Variants in COL24A1 observed in about 807,000 individuals in gnomAD.
COL24A1 encodes the protein collagen alpha-1(XXIV) chain.
Under a neutral mutation model 253.9 loss-of-function variants are expected in COL24A1, and 224 were observed. That is an observed-to-expected ratio of 0.88 (90% CI 0.79 to 0.99). COL24A1 has a LOEUF of 0.99. Among genes scored for constraint, COL24A1 ranks in the 50% least tolerant of loss-of-function variants. The pLI is 0.00. For synonymous variants in COL24A1, 685 were observed against 673.7 expected, an observed-to-expected ratio of 1.02 and a Z score of -0.26; for missense variants, 2,131 against 2,068.5, an observed-to-expected ratio of 1.03 and a Z score of -0.59.
chr1:85,775,334 G>T (rs1668426808), intron 53 of COL24A1, among the ~76,000 whole-genome samples: 1 of 152,118 alleles, frequency 6.6e-6, no homozygotes, highest in African/African-American at 2.4e-5. Flanking sequence ...GTGCTGAGAA[G>T]AATGTATATT....
At chr1:86,122,730 T>C (rs1180900096) in intron 3 of COL24A1, among the ~76,000 whole-genome samples, 1 of 152,026 alleles carries the variant, frequency 6.6e-6, no homozygotes, top group Non-Finnish European at 1.5e-5. Context: ...CTACAAAATC[T>C]CTTGAATCCT....
intron 5 of COL24A1, among the ~76,000 whole-genome samples, chr1:86,107,113 T>C (rs193171734): frequency 7.6e-4 from 115 of 152,316 alleles, no homozygotes; most frequent in African/African-American, 2.6e-3. Flanking sequence ...TCCTGCCTTC[T>C]TAAGGTGGTA....
At chr1:85,841,901 T>A (rs1213676617) in intron 41 of COL24A1, among the ~76,000 whole-genome samples, 167 bp downstream of exon 41, 6 of 152,232 alleles carry the variant, frequency 3.9e-5, no homozygotes, top group Non-Finnish European at 8.8e-5. Context: ...ATAATTTATT[T>A]AAATTTTAGC....
At chr1:86,098,315 A>G (rs1362057003) in intron 5 of COL24A1, among the ~76,000 whole-genome samples, 4 of 152,112 alleles carry the variant, frequency 2.6e-5, no homozygotes, top group Admixed American at 2.6e-4. Context: ...CAGAGAAGCA[A>G]GAGAAAGAAA....
In COL24A1 at chr1:86,153,418, G is replaced by A. The variant is rs931241946; in HGVS notation, c.56+2923C>T. The stretch of plus-strand genomic sequence containing the variant: ...CAGTAAACATGTGTTGAATAAATAC[G>A]TTAATGAATGATGAATAAATGAATG... On this transcript the variant is annotated intron_variant, in intron 1 of 59. Transcript: ENST00000370571. Among the ~76,000 whole-genome samples the A allele has an allele frequency of 8.5e-5, 13 of 152,252 alleles. 1 individual carries two copies. In the South Asian group the frequency reaches 1.9e-3, roughly 22 times the overall value.
intron 19 of COL24A1, among the ~76,000 whole-genome samples, chr1:85,990,977 G>C (rs1359931504): frequency 6.6e-6 from 1 of 152,116 alleles, no homozygotes; most frequent in Non-Finnish European, 1.5e-5. Context: ...AAAGAAAGAA[G>C]AGGATTAAAA....
intron 1 of COL24A1, among the ~76,000 whole-genome samples, chr1:86,147,839 A>C (rs547369335): frequency 6.6e-6 from 1 of 152,356 alleles, no homozygotes; most frequent in African/African-American, 2.4e-5. Flanking sequence ...TTATAACATG[A>C]CATGACCCTA....
intron 37 of COL24A1, among the ~76,000 whole-genome samples, chr1:85,858,609 CTTATTTT>C (rs1229752096): frequency 2.1e-5 from 2 of 97,018 alleles, no homozygotes; most frequent in African/African-American, 6.2e-5. Context: ...ATATTTTCTC[CTTATTTT>C]CTCCCTCCTT....
At chr1:85,891,629 T>C (rs1415981997) in intron 31 of COL24A1, among the ~76,000 whole-genome samples, 1 of 152,214 alleles carries the variant, frequency 6.6e-6, no homozygotes, top group African/African-American at 2.4e-5. Flanking sequence ...GTAAATGATA[T>C]GGTGCCTATT....
intron 31 of COL24A1, among the ~76,000 whole-genome samples, chr1:85,892,599 A>C (rs1405807200): frequency 6.6e-6 from 1 of 152,084 alleles, no homozygotes; most frequent in African/African-American, 2.4e-5. Flanking sequence ...ACATCTCTAA[A>C]GTATGTATTT....
At chr1:86,055,502 G>A (rs1700602031) in intron 10 of COL24A1, among the ~76,000 whole-genome samples, 1 of 152,108 alleles carries the variant, frequency 6.6e-6, no homozygotes, top group East Asian at 1.9e-4. Context: ...AATGGTACAT[G>A]GAAGAACACA....
intron 7 of COL24A1, among the ~76,000 whole-genome samples, chr1:86,073,328 T>C (rs1007958355): frequency 3.3e-5 from 5 of 151,974 alleles, no homozygotes; most frequent in African/African-American, 9.7e-5. Context: ...TGGTGAAGCA[T>C]AGACAGTATC....
chr1:85,933,570 C>G (rs1192458123), intron 24 of COL24A1, among the ~76,000 whole-genome samples: 1 of 152,192 alleles, frequency 6.6e-6, no homozygotes, highest in East Asian at 1.9e-4. Flanking sequence ...CATATAACCT[C>G]TTCCTTCTTA....
chr1:85,736,180 G>C (rs941550153), intron 58 of COL24A1: 2 of 393,410 alleles, frequency 5.1e-6, no homozygotes, highest in South Asian at 3.8e-5. Context: ...AGGCCCTCTG[G>C]TGGATCACAG....
intron 12 of COL24A1, among the ~76,000 whole-genome samples, chr1:86,046,303 G>T (rs1213237225): frequency 6.6e-6 from 1 of 152,064 alleles, no homozygotes; most frequent in African/African-American, 2.4e-5. Context: ...GTTAAGCAAT[G>T]GGGTACTGGA....
At chr1:85,754,345 C>T (rs1434820583) in intron 55 of COL24A1, among the ~76,000 whole-genome samples, 10 of 73,380 alleles carry the variant, frequency 1.4e-4, no homozygotes, top group Non-Finnish European at 2.5e-4. Context: ...AATGAGATCA[C>T]TTGGACACAG....
intron 53 of COL24A1, 110 bp downstream of exon 53, chr1:85,775,564 C>T: frequency 1.1e-6 from 1 of 872,294 alleles, no homozygotes; most frequent in Non-Finnish European, 1.8e-6. Context: ...TATTTTTATT[C>T]TACAAGTATC....
chr1:85,806,167 C>T (rs1430565151), intron 47 of COL24A1, among the ~76,000 whole-genome samples: 1 of 151,632 alleles, frequency 6.6e-6, no homozygotes, highest in East Asian at 1.9e-4. Flanking sequence ...TTTTCTCCAA[C>T]TAAATCTATA....
At chr1:85,847,853 G>T (rs1962482) in intron 38 of COL24A1, 81 bp from the exon 39 acceptor site, 126,599 of 791,460 alleles carry the variant, frequency 0.16, 12,104 homozygotes, top group African/African-American at 0.32. Flanking sequence ...TTCCTGAATA[G>T]CTCCTGAGGA....
Sources: allele counts gnomAD v4.1 joint callset (sites outside exome capture counted in the v4.1 genomes callset), GRCh38; gene constraint gnomAD v4.1.1; transcripts MANE v1.5; gene names NCBI Gene and HGNC (gene_info 2026-07-23, HGNC 2026-07-21).